CHODL: variants seen among roughly 807,000 people sequenced by gnomAD.
CHODL encodes chondrolectin, also known as transmembrane protein MT75.
A neutral mutation model predicts 34.5 loss-of-function variants in CHODL; 29 were observed. The observed-to-expected ratio is 0.84, with a 90% CI of 0.63 to 1.15. CHODL has a LOEUF of 1.15. CHODL is among the 50% of genes most tolerant of loss of function. CHODL has a pLI of 0.00. For synonymous variants in CHODL, 125 were observed against 116.1 expected (o/e 1.08, Z -0.49); for missense variants, 332 against 332.5 (o/e 1.00, Z 0.01).
intron 2 of CHODL, among the ~76,000 whole-genome samples, chr21:18,070,142 G>A (rs1256090359): frequency 6.6e-6 from 1 of 151,186 alleles, no homozygotes; most frequent in Non-Finnish European, 1.5e-5. Flanking sequence ...CTGCTCAGGT[G>A]ATGGGTGCAC....
At chr21:18,033,416 T>C in intron 2 of CHODL, among the ~76,000 whole-genome samples, 1 of 151,994 alleles carries the variant, frequency 6.6e-6, no homozygotes, top group East Asian at 1.9e-4. Context: ...AAAAGAACCA[T>C]TTATTTATTA....
chr21:18,162,631 G>A (rs977849383), intron 2 of CHODL, among the ~76,000 whole-genome samples: 7 of 151,858 alleles, frequency 4.6e-5, no homozygotes, highest in South Asian at 2.1e-4. Context: ...CTGAAAGTGC[G>A]GTCTTCAACA....
At chr21:18,070,242 A>T (rs1443518564) in intron 2 of CHODL, among the ~76,000 whole-genome samples, 1 of 151,140 alleles carries the variant, frequency 6.6e-6, no homozygotes, top group Non-Finnish European at 1.5e-5. Flanking sequence ...AACTTTTTTT[A>T]AAAAAGTTCT....
intron 2 of CHODL, among the ~76,000 whole-genome samples, chr21:18,048,121 C>T (rs189656526): frequency 6.4e-4 from 97 of 152,002 alleles, no homozygotes; most frequent in African/African-American, 2.3e-3. Context: ...AAGGAGTTAA[C>T]ATTGGTAACT....
At position 18,234,926 on chromosome 21, in the gene CHODL, A is replaced by G. The variant is rs576461764; in HGVS notation, c.-44-21583A>G. ...AGTTCCAGAAGGTAGATTTTCTTCA[A>G]GTACTAAATGAATTAGTTTTATCCA... On this transcript the variant is annotated intron_variant, in intron 2 of 6. Transcript: ENST00000400127. Among the ~76,000 whole-genome samples, 7 of 152,272 alleles carry G rather than the reference A, an allele frequency of 4.6e-5. No individual in the cohort carries two copies. In the South Asian group the frequency reaches 1.4e-3, roughly 32 times the overall value.
chr21:18,070,707 A>G (rs1421605454), intron 2 of CHODL, among the ~76,000 whole-genome samples: 1 of 152,086 alleles, frequency 6.6e-6, no homozygotes, highest in Admixed American at 6.6e-5. Flanking sequence ...CCCATGTAGA[A>G]CTGACTCCCA....
At chr21:17,997,583 G>A (rs1458903083) in intron 1 of CHODL, among the ~76,000 whole-genome samples, 5 of 152,200 alleles carry the variant, frequency 3.3e-5, no homozygotes, top group African/African-American at 1.2e-4. Flanking sequence ...AGAAAAAAAG[G>A]TTTAGTTGAA....
chr21:18,224,649 G>A (rs1283688045), intron 2 of CHODL, among the ~76,000 whole-genome samples: 5 of 152,056 alleles, frequency 3.3e-5, no homozygotes, highest in Non-Finnish European at 7.4e-5. Context: ...CTTGGGAATG[G>A]GAATATGGAT....
At chr21:18,031,570 C>T (rs976494971) in intron 2 of CHODL, among the ~76,000 whole-genome samples, 3 of 151,790 alleles carry the variant, frequency 2.0e-5, no homozygotes, top group African/African-American at 7.3e-5. Flanking sequence ...ATTACATTTG[C>T]CATTGGAAAG....
chr21:18,108,036 A>G (rs1241851968), intron 2 of CHODL, among the ~76,000 whole-genome samples: 2 of 152,152 alleles, frequency 1.3e-5, no homozygotes, highest in African/African-American at 2.4e-5. Context: ...TCTTTCATGC[A>G]TTTGGCAATC....
At chr21:18,166,319 C>A (rs906957741) in intron 2 of CHODL, among the ~76,000 whole-genome samples, 3 of 152,254 alleles carry the variant, frequency 2.0e-5, no homozygotes, top group Middle Eastern at 3.4e-3. Context: ...ATTAGGACAG[C>A]CTCATTTGGA....
At chr21:18,004,594 T>C (rs562413286) in intron 1 of CHODL, among the ~76,000 whole-genome samples, 1 of 152,346 alleles carries the variant, frequency 6.6e-6, no homozygotes, top group South Asian at 2.1e-4. Flanking sequence ...TATCTTTTTG[T>C]TTGTTTGCTT....
At chr21:18,201,563 GT>G (rs199808475) in intron 2 of CHODL, among the ~76,000 whole-genome samples, 1 of 151,956 alleles carries the variant, frequency 6.6e-6, no homozygotes, top group Non-Finnish European at 1.5e-5. Context: ...TATTTTGAAG[GT>G]TTTTTTCTTT....
At chr21:18,091,688 T>G (rs550890504) in intron 2 of CHODL, among the ~76,000 whole-genome samples, 1 of 152,216 alleles carries the variant, frequency 6.6e-6, no homozygotes, top group South Asian at 2.1e-4. Context: ...TGGACAACAT[T>G]TCTGATCCTG....
intron 2 of CHODL, among the ~76,000 whole-genome samples, chr21:18,235,795 AAGAC>A (rs1413695072): frequency 6.6e-6 from 1 of 152,160 alleles, no homozygotes; most frequent in Non-Finnish European, 1.5e-5. Flanking sequence ...TGAGACAGAA[AAGAC>A]AGACAAATAG....
intron 2 of CHODL, among the ~76,000 whole-genome samples, chr21:18,179,121 A>G (rs1568925092): frequency 6.6e-6 from 1 of 152,154 alleles, no homozygotes; most frequent in Admixed American, 6.5e-5. Flanking sequence ...TGAAACCTCA[A>G]GAAACTTGAG....
At chr21:18,109,230 G>T (rs1224361666) in intron 2 of CHODL, among the ~76,000 whole-genome samples, 1 of 151,960 alleles carries the variant, frequency 6.6e-6, no homozygotes, top group Admixed American at 6.6e-5. Context: ...TTTGGGAATT[G>T]CCCACCTCAA....
At chr21:18,071,713 T>G (rs1653847657) in intron 2 of CHODL, among the ~76,000 whole-genome samples, 1 of 152,180 alleles carries the variant, frequency 6.6e-6, no homozygotes, top group Non-Finnish European at 1.5e-5. Context: ...CATTTCTATT[T>G]CATTTCTATT....
intron 2 of CHODL, among the ~76,000 whole-genome samples, chr21:18,229,101 A>G (rs2073956265): frequency 6.6e-6 from 1 of 152,212 alleles, no homozygotes; most frequent in Non-Finnish European, 1.5e-5. Flanking sequence ...AGACAATAGC[A>G]AAAGTATGCC....
Sources: allele counts gnomAD v4.1 joint callset (sites outside exome capture counted in the v4.1 genomes callset), GRCh38; gene constraint gnomAD v4.1.1; transcripts MANE v1.5; gene names NCBI Gene and HGNC (gene_info 2026-07-23, HGNC 2026-07-21).